The following PRELID3A variants were observed in gnomAD, a reference collection of about 807,000 sequenced individuals.
PRELID3A encodes PRELI domain containing protein 3A.
PRELID3A carries 27 observed loss-of-function variants against 23.0 expected under a neutral mutation model. The ratio of observed to expected loss-of-function variants is 1.17; its 90% CI spans 0.87 to 1.62. PRELID3A has a LOEUF of 1.62. PRELID3A is among the 40% of genes most tolerant of loss of function. PRELID3A has a pLI of 0.00. For missense variants in PRELID3A, 231 were observed against 231.4 expected (o/e 1.00, Z 0.01); for synonymous variants, 87 against 86.4 (o/e 1.01, Z -0.04).
At chr18:12,416,692 G>C (rs111634945) in intron 1 of PRELID3A, among the ~76,000 whole-genome samples, 1,553 of 148,922 alleles carry the variant, frequency 0.01, 9 homozygotes, top group African/African-American at 0.022. Flanking sequence ...GTTGCCCAGG[G>C]TGGAGTGCAG....
At chr18:12,411,166 G>A (rs1427078006) in intron 1 of PRELID3A, among the ~76,000 whole-genome samples, 1 of 142,602 alleles carries the variant, frequency 7.0e-6, no homozygotes, top group Admixed American at 7.2e-5. Context: ...AGACAGGGGT[G>A]AAAGTAGTTT....
At position 12,408,189 on chromosome 18, in the gene PRELID3A, G is replaced by A. The variant is rs542286382; in HGVS notation, c.32+182G>A. On this transcript the variant is annotated intron_variant, in intron 1 of 6. Coordinates refer to ENST00000440960, the MANE Select transcript of PRELID3A (RefSeq NM_001142405.2). Reference sequence around the variant, plus strand: ...CGGAGAGGGCACGCGCGCTTCCCCGGGACCGCGGTCTGGGCGAGGCTCTGC... The same window carrying A: ...CGGAGAGGGCACGCGCGCTTCCCCGAGACCGCGGTCTGGGCGAGGCTCTGC... 6.0e-4 allele frequency among the ~76,000 whole-genome samples: 92 copies of A among 152,076 alleles called. 2 individuals carry two copies. The East Asian group carries it at 0.017, about 27-fold the overall frequency.
At chr18:12,426,672 C>T (rs1598864997) in intron 3 of PRELID3A, among the ~76,000 whole-genome samples, 1 of 152,218 alleles carries the variant, frequency 6.6e-6, no homozygotes, top group Non-Finnish European at 1.5e-5. Flanking sequence ...CCATCCAGTC[C>T]TAGGAGACAG....
chr18:12,410,447 G>T (rs1011753363), intron 1 of PRELID3A, among the ~76,000 whole-genome samples: 10 of 152,200 alleles, frequency 6.6e-5, no homozygotes, highest in Non-Finnish European at 1.2e-4. Flanking sequence ...TTGGCCTGTG[G>T]CTGGACGGGT....
intron 1 of PRELID3A, among the ~76,000 whole-genome samples, chr18:12,415,520 G>A (rs1413759441): frequency 3.3e-5 from 5 of 152,140 alleles, no homozygotes; most frequent in African/African-American, 1.2e-4. Flanking sequence ...GCCTCCCAAA[G>A]TGCTGGGATT....
intron 6 of PRELID3A, 33 bp downstream of exon 6, chr18:12,429,469 C>T: frequency 7.2e-7 from 1 of 1,394,596 alleles, no homozygotes; most frequent in Non-Finnish European, 1.0e-6. Flanking sequence ...TGGGGGGGTA[C>T]TTGCAGCCTC....
intron 1 of PRELID3A, chr18:12,410,675 A>T (rs914834060): frequency 6.6e-6 from 1 of 151,892 alleles, no homozygotes; most frequent in Non-Finnish European, 1.5e-5. Context: ...TGAACATTTG[A>T]TTGGAAATAA....
chr18:12,427,763 CT>C (rs1289454340), intron 5 of PRELID3A, among the ~76,000 whole-genome samples: 1 of 151,780 alleles, frequency 6.6e-6, no homozygotes, highest in Non-Finnish European at 1.5e-5. Context: ...TCCATTTATG[CT>C]GAGCTCATAA....
At chr18:12,430,075 T>C (rs1409306828) in intron 6 of PRELID3A, among the ~76,000 whole-genome samples, 3 of 152,204 alleles carry the variant, frequency 2.0e-5, no homozygotes, top group African/African-American at 7.2e-5. Flanking sequence ...GGGCTGCTCG[T>C]CCCCATCTGT....
intron 6 of PRELID3A, 37 bp downstream of exon 6, chr18:12,429,473 C>T: frequency 7.2e-7 from 1 of 1,398,094 alleles, no homozygotes; most frequent in South Asian, 1.2e-5. Flanking sequence ...GGGGTACTTG[C>T]AGCCTCTTGT....
At chr18:12,426,945 C>T in intron 3 of PRELID3A, 96 bp from the exon 4 acceptor site, 1 of 830,380 alleles carries the variant, frequency 1.2e-6, no homozygotes, top group Non-Finnish European at 2.0e-6. Context: ...TGTTCTGGCC[C>T]CACTAAGTGC....
rs913582549 is a variant in PRELID3A, at chr18:12,420,149, G to C, written c.33-176G>C. The C allele has an allele frequency of 5.2e-5, 74 of 1,426,950 alleles. No individual in the cohort carries two copies. In the African/African-American group the frequency reaches 9.5e-4, roughly 18 times the overall value. 88.4% of individuals were successfully genotyped at this position (1,426,950 alleles called of 1,614,324 possible). The stretch of plus-strand genomic sequence containing the variant: ...GGCTGCCAGGTGCCGAGGCGTGCAG[G>C]TGCTGAGCCGGCGGCCGGGGAGGGC... On this transcript the variant is annotated intron_variant, in intron 1 of 6. Transcript: ENST00000440960.
Position 12,427,326 on chromosome 18 carries a change from A to G in PRELID3A, c.465+3A>G. On this transcript the variant is annotated splice_donor_region_variant and intron_variant, in intron 5 of 6. Transcript: ENST00000440960. ...CGATATCATCCAATGCAAAGAAGGTATGTATCTCAATCCTAGGAGTCCTGT... is the reference window on the plus strand; with the variant it reads ...CGATATCATCCAATGCAAAGAAGGTGTGTATCTCAATCCTAGGAGTCCTGT... The G allele has an allele frequency of 6.3e-7, 1 of 1,590,352 alleles. No homozygotes were observed.
At chr18:12,409,162 T>TTG (rs1909828091) in intron 1 of PRELID3A, among the ~76,000 whole-genome samples, 1 of 129,754 alleles carries the variant, frequency 7.7e-6, no homozygotes, top group African/African-American at 3.0e-5. Context: ...AGGCTGGGTT[T>TTG]TTTTTTTTTT....
rs188483922 is a variant in PRELID3A at position 12,423,022 on chromosome 18, C to G, written c.291+1393C>G. ...CCTCCTGACTGGCTCTGTCATCGCA[C>G]GGTGGGCATCTAGACAACCCACATA... On this transcript the variant is annotated intron_variant, in intron 3 of 6. Coordinates refer to ENST00000440960, the MANE Select transcript of PRELID3A (RefSeq NM_001142405.2). 1.8e-3 allele frequency among the ~76,000 whole-genome samples: 277 copies of G among 152,328 alleles called. 2 individuals carry two copies. Among genetic ancestry groups the G allele is most frequent in the South Asian group, 7.9e-3 (38 of 4,822 alleles).
chr18:12,412,224 G>T (rs1289835285), intron 1 of PRELID3A, among the ~76,000 whole-genome samples: 34 of 135,724 alleles, frequency 2.5e-4, no homozygotes, highest in African/African-American at 8.4e-4. Context: ...GTCTCACTCT[G>T]TTACCCAGGC....
In PRELID3A at chr18:12,409,559, A is replaced by G. The variant is rs866249440; in HGVS notation, c.32+1552A>G. On this transcript the variant is annotated intron_variant, in intron 1 of 6. Coordinates refer to ENST00000440960, the MANE Select transcript of PRELID3A (RefSeq NM_001142405.2). ...TCATGAAGTCTTTAGACTTGATGGG[A>G]TCTAATTTTTTGTATGGCTTGCAGT... 7.2e-5 allele frequency among the ~76,000 whole-genome samples: 11 copies of G among 152,074 alleles called. No individual in the cohort carries two copies. The South Asian group carries it at 2.3e-3, about 32-fold the overall frequency.
intron 1 of PRELID3A, among the ~76,000 whole-genome samples, chr18:12,414,224 C>T (rs76851205): frequency 0.044 from 6,734 of 152,044 alleles, 189 homozygotes; most frequent in African/African-American, 0.055. Context: ...GAGAAGAGTA[C>T]TCAGGGGTCA....
Position 12,416,195 on chromosome 18 carries a change from C to G in PRELID3A, c.33-4130C>G, listed in dbSNP as rs559904217. ...CAGTTTGTGTCCACCAGCAGCACTT[C>G]CTGTTGTCCTATTTCCTATACCCTT... On this transcript the variant is annotated intron_variant, in intron 1 of 6. Transcript: ENST00000440960. Among the ~76,000 whole-genome samples, 3 of 152,342 alleles carry G rather than the reference C, an allele frequency of 2.0e-5. No homozygotes were observed. In the South Asian group the frequency reaches 6.2e-4, roughly 32 times the overall value.
Sources: gnomAD v4.1 joint callset for allele counts (sites outside exome capture counted in the v4.1 genomes callset) on GRCh38, gnomAD v4.1.1 for gene constraint, MANE v1.5 for transcripts, NCBI Gene and HGNC (gene_info 2026-07-23, HGNC 2026-07-21) for gene names.